The following USP25 variants were observed in gnomAD, a reference collection of about 807,000 sequenced individuals.
USP25 encodes ubiquitin specific peptidase 25.
In USP25, 85 loss-of-function variants were observed where a neutral mutation model predicts 158.5. The observed-to-expected ratio is 0.54, with a 90% CI of 0.45 to 0.64. The LOEUF (loss-of-function observed/expected upper bound fraction) is 0.64, where lower values mean the gene tolerates loss of function less well. USP25 is among the 30% of genes least tolerant of loss of function. USP25 has a pLI of 0.00. For synonymous variants in USP25, 464 were observed against 460.4 expected (o/e 1.01, Z -0.10); for missense variants, 1,242 against 1,327.3 (o/e 0.94, Z 1.00).
intron 20 of USP25, among the ~76,000 whole-genome samples, chr21:15,853,812 C>T (rs1367299077): frequency 6.6e-6 from 1 of 152,014 alleles, no homozygotes; most frequent in Non-Finnish European, 1.5e-5. Flanking sequence ...TAATACTTAA[C>T]CGTGTTAGCG....
intron 3 of USP25, among the ~76,000 whole-genome samples, chr21:15,775,740 C>CA (rs2034608882): frequency 1.9e-4 from 2 of 10,408 alleles, no homozygotes; most frequent in African/African-American, 1.0e-3. Context: ...ATGGTTGCCA[C>CA]CCCCCCCCCC....
chr21:15,838,513 C>T (rs2038169848), intron 17 of USP25, among the ~76,000 whole-genome samples: 1 of 152,100 alleles, frequency 6.6e-6, no homozygotes, highest in Non-Finnish European at 1.5e-5. Context: ...CCCCACACCC[C>T]TCAGACTTTC....
intron 7 of USP25, among the ~76,000 whole-genome samples, chr21:15,806,932 G>A (rs932842187): frequency 4.0e-5 from 6 of 149,958 alleles, no homozygotes; most frequent in Admixed American, 6.6e-5. Flanking sequence ...TTCCGTGTTT[G>A]TTTTTTTTTG....
chr21:15,841,635 C>T (rs983984961), intron 17 of USP25, among the ~76,000 whole-genome samples: 2 of 152,054 alleles, frequency 1.3e-5, no homozygotes, highest in African/African-American at 4.8e-5. Flanking sequence ...TGCCATTGTT[C>T]CCATATAAAG....
At chr21:15,765,698 T>C (rs925151222) in intron 2 of USP25, among the ~76,000 whole-genome samples, 2 of 152,046 alleles carry the variant, frequency 1.3e-5, no homozygotes, top group African/African-American at 4.8e-5. Flanking sequence ...AGTTTATTTG[T>C]TCAAAAGTAT....
chr21:15,846,947 G>A (rs900362990), intron 18 of USP25, among the ~76,000 whole-genome samples: 1 of 152,044 alleles, frequency 6.6e-6, no homozygotes, highest in Non-Finnish European at 1.5e-5. Context: ...AGAAAAAAAG[G>A]AATAAATCTG....
intron 17 of USP25, among the ~76,000 whole-genome samples, chr21:15,837,168 T>G (rs1185286439): frequency 1.8e-4 from 3 of 16,868 alleles, no homozygotes; most frequent in South Asian, 2.5e-3. Flanking sequence ...TGTCAGTGTG[T>G]GGATCAGAGT....
chr21:15,795,512 G>T (rs1363173449), intron 5 of USP25, among the ~76,000 whole-genome samples: 1 of 151,302 alleles, frequency 6.6e-6, no homozygotes, highest in Non-Finnish European at 1.5e-5. Context: ...TCAAATTTGG[G>T]GTGAATTCTG....
chr21:15,825,586 A>T (rs370821068), intron 12 of USP25, among the ~76,000 whole-genome samples: 1 of 152,140 alleles, frequency 6.6e-6, no homozygotes, highest in Non-Finnish European at 1.5e-5. Context: ...ACTGTTGTCT[A>T]TTGATTTGGA....
chr21:15,848,783 CAG>C lies in USP25; in HGVS notation c.2452-989_2452-988del, dbSNP rs1473544316. ...AAGCAGATTTGTGAGATAAACTGGT[CAG>C]AGAGTTTTCTCAAGCAGGTGTTAGA... On this transcript the variant is annotated intron_variant, in intron 19 of 25. Transcript: ENST00000400183. Among the ~76,000 whole-genome samples the C allele has an allele frequency of 7.2e-5, 11 of 152,124 alleles. No individual in the cohort carries two copies. The South Asian group carries it at 1.2e-3, about 17-fold the overall frequency.
chr21:15,805,047 A>T, intron 6 of USP25, 74 bp from the exon 7 acceptor site: 1 of 1,432,426 alleles, frequency 7.0e-7, no homozygotes, highest in South Asian at 1.5e-5. Flanking sequence ...TACTGTTAAA[A>T]TGAATATTTA....
intron 3 of USP25, among the ~76,000 whole-genome samples, chr21:15,768,625 C>T (rs1432239911): frequency 6.6e-6 from 1 of 151,896 alleles, no homozygotes; most frequent in Non-Finnish European, 1.5e-5. Flanking sequence ...ATGCAGGCCT[C>T]TATTTAAAAA....
chr21:15,856,688 G>A (rs2039162914), intron 20 of USP25, among the ~76,000 whole-genome samples: 1 of 152,108 alleles, frequency 6.6e-6, no homozygotes, highest in Admixed American at 6.5e-5. Flanking sequence ...AGCCAGGATG[G>A]TCTCGATCTC....
At chr21:15,772,650 G>T (rs1296731525) in intron 3 of USP25, among the ~76,000 whole-genome samples, 1 of 152,194 alleles carries the variant, frequency 6.6e-6, no homozygotes, top group Non-Finnish European at 1.5e-5. Context: ...GTAAGCATGT[G>T]AGAATATCTG....
At position 15,843,939 on chromosome 21, in the gene USP25, A is replaced by G. The variant is rs939692704; in HGVS notation, c.2337+1399A>G. 1.3e-5 allele frequency among the ~76,000 whole-genome samples: 2 copies of G among 152,162 alleles called. No individual in the cohort carries two copies. The highest frequency in any genetic ancestry group is 4.8e-5 in the African/African-American group (2 of 41,452). On this transcript the variant is annotated intron_variant, in intron 18 of 25. Coordinates refer to ENST00000400183, the MANE Select transcript of USP25 (RefSeq NM_001283041.3). This position sits in a 1 kb window ranked among gnomAD's most constrained non-coding sequence, Gnocchi z 4.0. ...AGAATCCTGATTTTAAGTTTGGAAAATCATATGGAATTTAAATTTGCAGAA... is the reference window on the plus strand; with the variant it reads ...AGAATCCTGATTTTAAGTTTGGAAAGTCATATGGAATTTAAATTTGCAGAA...
At chr21:15,834,288 T>A (rs1021525475) in intron 17 of USP25, among the ~76,000 whole-genome samples, 4 of 152,228 alleles carry the variant, frequency 2.6e-5, no homozygotes, top group Non-Finnish European at 5.9e-5. Context: ...AAAAGATTAC[T>A]CTTCACTGAG....
rs752877545 is a variant in USP25 at position 15,833,336 on chromosome 21, T to C, written c.1994-12T>C. 7 of 1,599,998 alleles carry C rather than the reference T, an allele frequency of 4.4e-6. No individual in the cohort carries two copies. The highest frequency in any genetic ancestry group is 2.7e-5 in the African/African-American group (2 of 74,068). The stretch of plus-strand genomic sequence containing the variant: ...CTTAATTTTATACTAGTTTTTGAAA[T>C]ATGATTTGCAGAGGAGTTTAATAAA... On this transcript the variant is annotated splice_polypyrimidine_tract_variant and intron_variant, in intron 16 of 25. Transcript: ENST00000400183.
In USP25 at chr21:15,866,674, G is replaced by C. The variant is rs151277439; in HGVS notation, c.2805+330G>C. Among the ~76,000 whole-genome samples the C allele has an allele frequency of 4.1e-3, 626 of 152,182 alleles. 3 individuals carry two copies. Among genetic ancestry groups the C allele is most frequent in the African/African-American group, 0.014 (599 of 41,532 alleles). On this transcript the variant is annotated intron_variant, in intron 22 of 25. Coordinates refer to ENST00000400183, the MANE Select transcript of USP25 (RefSeq NM_001283041.3). ...CATTGTTAATTTTGAAATCAACTTA[G>C]AAATTGCTGTTACATAATACCAACA...
chr21:15,812,313 A>G (rs1448488034), intron 9 of USP25, among the ~76,000 whole-genome samples: 1 of 151,990 alleles, frequency 6.6e-6, no homozygotes, highest in African/African-American at 2.4e-5. Context: ...GAGCATTTCT[A>G]CCTGTATTAT....
Sources: allele counts gnomAD v4.1 joint callset (sites outside exome capture counted in the v4.1 genomes callset), GRCh38; gene constraint gnomAD v4.1.1; non-coding constraint Gnocchi (gnomAD v3.1); transcripts MANE v1.5; gene names NCBI Gene and HGNC (gene_info 2026-07-23, HGNC 2026-07-21).